BROX: variants seen among roughly 807,000 people sequenced by gnomAD.
The protein encoded by BROX is BRO1 domain-containing protein BROX.
BROX carries 53 observed loss-of-function variants against 61.0 expected under a neutral mutation model. That is an observed-to-expected ratio of 0.87 (90% CI 0.70 to 1.09). BROX has a LOEUF of 1.09. BROX is among the 50% of genes least tolerant of loss of function. The probability of loss-of-function intolerance (pLI) is 0.00; values close to 1 mark genes in which losing one functional copy is unlikely to be tolerated. For synonymous variants in BROX, 152 were observed against 160.2 expected (o/e 0.95, Z 0.38); for missense variants, 489 against 472.0 (o/e 1.04, Z -0.33).
intron 2 of BROX, chr1:222,717,770 CCTTATAGTCTAAAT>C (rs1656746836): frequency 6.6e-6 from 1 of 152,180 alleles, no homozygotes; most frequent in Admixed American, 6.5e-5. Flanking sequence ...ATCACTGCTA[CCTTATAGTCTAAAT>C]CTCAAAAGAA....
intron 10 of BROX, 136 bp downstream of exon 10, chr1:222,729,837 G>A: frequency 9.3e-7 from 1 of 1,072,126 alleles, no homozygotes. Flanking sequence ...TTGGAGAAAA[G>A]AAAAAAATGT....
intron 9 of BROX, among the ~76,000 whole-genome samples, chr1:222,729,269 TGA>T (rs897279060): frequency 1.3e-5 from 2 of 152,202 alleles, no homozygotes; most frequent in African/African-American, 4.8e-5. Flanking sequence ...GAATATCATA[TGA>T]GAGATCATCA....
At chr1:222,724,840 G>T (rs943075777) in intron 6 of BROX, among the ~76,000 whole-genome samples, 3 of 152,136 alleles carry the variant, frequency 2.0e-5, no homozygotes, top group African/African-American at 7.2e-5. Flanking sequence ...TGTCGCCCGG[G>T]CTGGAGTGCA....
chr1:222,718,945 C>T lies in BROX; in HGVS notation c.122C>T (p.Ala41Val), dbSNP rs1483364255. 4.3e-6 allele frequency: 7 copies of T among 1,613,752 alleles called. No homozygotes were observed. In the East Asian group the frequency reaches 1.1e-4, roughly 26 times the overall value. The change falls in exon 3 of 13, where the codon GCA becomes GTA. Residue 41 changes from alanine (A) to valine (V), a missense_variant. By Grantham distance (64) the Ala-to-Val change is moderately conservative. Coordinates refer to ENST00000340934, the MANE Select transcript of BROX (RefSeq NM_144695.4). Reference sequence around the variant, plus strand: ...ATAAGTGACTTGAGGTCATCCAGGGCACGACTCCTTGAACTGTTCACTGAT... The same window carrying T: ...ATAAGTGACTTGAGGTCATCCAGGGTACGACTCCTTGAACTGTTCACTGAT... Reference protein sequence around the residue: ...KICNDLRSSRARLLELFTDLS... With the variant: ...KICNDLRSSRVRLLELFTDLS...
chr1:222,718,812 C>T (rs541925082), intron 2 of BROX, 113 bp from the exon 3 acceptor site: 186 of 764,386 alleles, frequency 2.4e-4, no homozygotes, highest in Non-Finnish European at 1.6e-4. Flanking sequence ...AAACCTGGTG[C>T]GTGTGTGTAT....
At chr1:222,713,015 TCAC>T in intron 1 of BROX, 73 bp downstream of exon 1, 4 of 1,167,662 alleles carry the variant, frequency 3.4e-6, no homozygotes, top group Non-Finnish European at 4.3e-6. Flanking sequence ...AGCAATAGGA[TCAC>T]CCCCTTTTAC....
At chr1:222,720,706 G>C (rs1043235009) in intron 4 of BROX, among the ~76,000 whole-genome samples, 13 of 151,730 alleles carry the variant, frequency 8.6e-5, no homozygotes, top group African/African-American at 3.1e-4. Flanking sequence ...CCAGCTACTT[G>C]GGAGGCTGAG....
Position 222,725,433 on chromosome 1 carries a change from TTTG to T in BROX, c.475-8_475-6del, listed in dbSNP as rs1381486201. The T allele has an allele frequency of 3.2e-6, 5 of 1,553,016 alleles. No individual in the cohort carries two copies. The highest frequency in any genetic ancestry group is 2.3e-5 in the East Asian group (1 of 44,208). On this transcript the variant is annotated splice_polypyrimidine_tract_variant and intron_variant, in intron 6 of 12. Coordinates refer to ENST00000340934, the MANE Select transcript of BROX (RefSeq NM_144695.4). ...TTTGGCTGCTTTGTTTTTTGTCTTTTTTGTTGTTGTTCTCAGGAAAGTCATCTC... is the reference window on the plus strand; with the variant it reads ...TTTGGCTGCTTTGTTTTTTGTCTTTTTTGTTGTTCTCAGGAAAGTCATCTC...
intron 5 of BROX, among the ~76,000 whole-genome samples, chr1:222,722,986 G>A (rs1657210960): frequency 6.6e-6 from 1 of 152,168 alleles, no homozygotes; most frequent in South Asian, 2.1e-4. Context: ...AAGATGTTTT[G>A]CAGGATTAAA....
intron 2 of BROX, among the ~76,000 whole-genome samples, chr1:222,716,159 C>T (rs533553210): frequency 6.6e-6 from 1 of 152,238 alleles, no homozygotes; most frequent in African/African-American, 2.4e-5. Context: ...AGTGCAATGG[C>T]TTGATCTCGG....
chr1:222,715,788 CA>C lies in BROX; in HGVS notation c.94del (p.Ile32TyrfsTer5). The stretch of plus-strand genomic sequence containing the variant: ...GGTGTAGTCACTGGCCCTTCTGCTT[CA>C]AAAATATGCAAGTAAGTTTATTGAT... ...YYGVVTGPSA[S>X]KICNDLRSSR... On this transcript the variant is annotated frameshift_variant, in exon 2 of 13. Transcript: ENST00000340934. LOFTEE classifies it high-confidence loss of function. The C allele has an allele frequency of 1.9e-6, 3 of 1,584,234 alleles. No homozygotes were observed. The highest frequency in any genetic ancestry group is 2.3e-5 in the South Asian group (2 of 86,346).
Position 222,712,878 on chromosome 1 carries a change from T to A in BROX, c.-81T>A, listed in dbSNP as rs1656165916. 1 of 1,264,908 alleles carries A rather than the reference T, an allele frequency of 7.9e-7. No individual in the cohort carries two copies. Among genetic ancestry groups the A allele is most frequent in the African/African-American group, 1.5e-5 (1 of 64,924 alleles). 78.4% of individuals were successfully genotyped at this position (1,264,908 alleles called of 1,614,324 possible). Reference sequence around the variant, plus strand: ...TCTCCGACTCCCTCTTTTTCTCGCTTGTGGACTCCGATATATTGCCCTTCT... The same window carrying A: ...TCTCCGACTCCCTCTTTTTCTCGCTAGTGGACTCCGATATATTGCCCTTCT... On this transcript the variant is annotated 5_prime_UTR_variant, in exon 1 of 13. Coordinates refer to ENST00000340934, the MANE Select transcript of BROX (RefSeq NM_144695.4).
intron 5 of BROX, among the ~76,000 whole-genome samples, chr1:222,723,304 T>G (rs1449419215): frequency 6.6e-6 from 1 of 152,206 alleles, no homozygotes; most frequent in Non-Finnish European, 1.5e-5. Context: ...GTCTGGATTT[T>G]ATTTTGTTTT....
Position 222,722,429 on chromosome 1 carries a change from G to C in BROX, c.316G>C (p.Asp106His). ...TGTTTATAATTCCAGTGCCCAGCAG[G>C]ATGCTGTTTTTGAATTAATTTCCAT... ...LQGQVPSAQQDAVFELISMGF... is the reference protein window; with the variant it reads ...LQGQVPSAQQHAVFELISMGF... The change falls in exon 5 of 13, where the codon GAT (aspartate) becomes CAT (histidine). Residue 106 changes from aspartate (D) to histidine (H), a missense_variant. By Grantham distance (81) the Asp-to-His change is moderately conservative (BLOSUM62 -1). Coordinates refer to ENST00000340934, the MANE Select transcript of BROX (RefSeq NM_144695.4). The C allele has an allele frequency of 1.2e-6, 2 of 1,612,236 alleles. No homozygotes were observed. Among genetic ancestry groups the C allele is most frequent in the Non-Finnish European group, 8.5e-7 (1 of 1,178,506 alleles).
chr1:222,733,671 C>T lies in BROX; in HGVS notation c.*957C>T, dbSNP rs1358590403. ...GGTATGTTGGCACCTTATCCAAGAA[C>T]TTATCCCTGTTCCAGTACCCCTGTG... On this transcript the variant is annotated 3_prime_UTR_variant, in exon 13 of 13. Coordinates refer to ENST00000340934, the MANE Select transcript of BROX (RefSeq NM_144695.4). 6.6e-6 allele frequency: 1 copy of T among 152,186 alleles called. No homozygotes were observed. Among genetic ancestry groups the T allele is most frequent in the African/African-American group, 2.4e-5 (1 of 41,442 alleles). The allele number at this position is 152,186 out of a possible 1,614,324, so 9.4% of individuals were successfully genotyped here. A position where few individuals can be genotyped will look rare whatever the true frequency, so the allele number is the denominator to read the frequency against.
chr1:222,716,091 A>T (rs1179443642), intron 2 of BROX, among the ~76,000 whole-genome samples: 1 of 147,502 alleles, frequency 6.8e-6, no homozygotes, highest in Non-Finnish European at 1.5e-5. Context: ...TTTATTTTTT[A>T]TTTTTATTTT....
chr1:222,726,266 C>A (rs1657490916), intron 7 of BROX, among the ~76,000 whole-genome samples: 1 of 152,150 alleles, frequency 6.6e-6, no homozygotes, highest in Non-Finnish European at 1.5e-5. Context: ...ATTTCAAACT[C>A]TAGTCTTCCT....
rs200032897 is a variant in BROX, at chr1:222,734,483, T to C, written c.*1769T>C. On this transcript the variant is annotated 3_prime_UTR_variant, in exon 13 of 13. Transcript: ENST00000340934. ...ACTCCTTAAAAAAAGGTACATAAAT[T>C]CAGTGAGGTTTTTTTCTTAACATAC... 4 of 152,164 alleles carry C rather than the reference T, an allele frequency of 2.6e-5. No individual in the cohort carries two copies. Among genetic ancestry groups the C allele is most frequent in the African/African-American group, 9.7e-5 (4 of 41,434 alleles). The allele number at this position is 152,164 out of a possible 1,614,324, so 9.4% of individuals were successfully genotyped here.
intron 1 of BROX, among the ~76,000 whole-genome samples, chr1:222,714,813 C>G (rs1656453091): frequency 6.6e-6 from 1 of 151,936 alleles, no homozygotes; most frequent in South Asian, 2.1e-4. Flanking sequence ...TTCCTGAGCT[C>G]AAGCGATCCA....
Sources: gnomAD v4.1 joint callset for allele counts (sites outside exome capture counted in the v4.1 genomes callset) on GRCh38, gnomAD v4.1.1 for gene constraint, MANE v1.5 for transcripts, NCBI Gene and HGNC (gene_info 2026-07-23, HGNC 2026-07-21) for gene names.